HS3ST4: variants seen among roughly 807,000 people sequenced by gnomAD.
The protein encoded by HS3ST4 is heparan sulfate-glucosamine 3-sulfotransferase 4, also known as heparan sulfate glucosamine 3-O-sulfotransferase 4.
A neutral mutation model predicts 29.2 loss-of-function variants in HS3ST4; 17 were observed. The ratio of observed to expected loss-of-function variants is 0.58; its 90% CI spans 0.40 to 0.87. The LOEUF (loss-of-function observed/expected upper bound fraction) is 0.87, where lower values mean the gene tolerates loss of function less well. Among genes scored for constraint, HS3ST4 ranks in the 40% least tolerant of loss-of-function variants. The probability of loss-of-function intolerance (pLI) is 0.00; values close to 1 mark genes in which losing one functional copy is unlikely to be tolerated. For synonymous variants in HS3ST4, 314 were observed against 285.7 expected (o/e 1.10, Z -1.00); for missense variants, 627 against 634.5 (o/e 0.99, Z 0.13).
chr16:25,736,828 T>C (rs1349762050), intron 1 of HS3ST4, among the ~76,000 whole-genome samples: 1 of 152,100 alleles, frequency 6.6e-6, no homozygotes, highest in Non-Finnish European at 1.5e-5. Context: ...TTTTCTTCCA[T>C]GATGCTGCTG....
intron 1 of HS3ST4, among the ~76,000 whole-genome samples, chr16:25,720,933 C>T (rs1458500306): frequency 6.6e-6 from 1 of 152,210 alleles, no homozygotes; most frequent in African/African-American, 2.4e-5. Context: ...CAAAAAAGAG[C>T]AGGCTGTCTT....
chr16:25,947,681 G>A (rs1335799381), intron 1 of HS3ST4, among the ~76,000 whole-genome samples: 1 of 152,178 alleles, frequency 6.6e-6, no homozygotes, highest in Admixed American at 6.5e-5. Flanking sequence ...GCAGTGGGAA[G>A]TACAGCTTTT....
intron 1 of HS3ST4, among the ~76,000 whole-genome samples, chr16:25,834,305 C>A (rs1475252212): frequency 6.6e-6 from 1 of 152,160 alleles, no homozygotes; most frequent in Non-Finnish European, 1.5e-5. Context: ...GGGGGCTCAG[C>A]AATCTTTGTT....
chr16:25,751,333 T>A (rs141781358), intron 1 of HS3ST4, among the ~76,000 whole-genome samples: 1 of 152,276 alleles, frequency 6.6e-6, no homozygotes, highest in East Asian at 1.9e-4. Context: ...TTTCCCTCCA[T>A]ACACTCCTAT....
At chr16:25,947,123 G>C (rs1055308286) in intron 1 of HS3ST4, among the ~76,000 whole-genome samples, 1 of 152,140 alleles carries the variant, frequency 6.6e-6, no homozygotes, top group African/African-American at 2.4e-5. Context: ...ATTTTGAAAA[G>C]ATGGCTCTGA....
chr16:26,121,881 T>G (rs1367985667), intron 1 of HS3ST4, among the ~76,000 whole-genome samples: 2 of 152,200 alleles, frequency 1.3e-5, no homozygotes, highest in Non-Finnish European at 2.9e-5. Context: ...GAATAAAGTA[T>G]CAGCGAAGTA....
intron 1 of HS3ST4, among the ~76,000 whole-genome samples, chr16:25,732,344 G>A (rs767505536): frequency 2.0e-5 from 3 of 152,172 alleles, no homozygotes; most frequent in Admixed American, 6.5e-5. Flanking sequence ...ACGTTGACAC[G>A]TGCTTGCAAA....
chr16:25,814,208 G>A (rs185028599), intron 1 of HS3ST4, among the ~76,000 whole-genome samples: 1 of 152,296 alleles, frequency 6.6e-6, no homozygotes, highest in Non-Finnish European at 1.5e-5. Flanking sequence ...AACTGTGAAT[G>A]TTAGTGTATG....
intron 1 of HS3ST4, among the ~76,000 whole-genome samples, chr16:25,865,687 A>G (rs1967686857): frequency 6.6e-6 from 1 of 152,216 alleles, no homozygotes; most frequent in Non-Finnish European, 1.5e-5. Flanking sequence ...TGGCTAGTTG[A>G]TCCTTGACAA....
chr16:25,910,030 A>T (rs1302596786), intron 1 of HS3ST4, among the ~76,000 whole-genome samples: 1 of 152,106 alleles, frequency 6.6e-6, no homozygotes, highest in East Asian at 1.9e-4. Context: ...TGTACCAAAG[A>T]TGTGCACTGG....
chr16:26,031,704 GT>G (rs202095804), intron 1 of HS3ST4, among the ~76,000 whole-genome samples: 16,737 of 141,764 alleles, frequency 0.12, 1,594 homozygotes, highest in East Asian at 0.28. Flanking sequence ...ATGGAGGCGT[GT>G]TTTTTTTTTT....
intron 1 of HS3ST4, among the ~76,000 whole-genome samples, chr16:26,106,142 A>G (rs1899053419): frequency 6.6e-6 from 1 of 152,196 alleles, no homozygotes; most frequent in Admixed American, 6.5e-5. Flanking sequence ...TACCTCTTCC[A>G]AGCCTATTCA....
chr16:25,848,103 G>A (rs1176920654), intron 1 of HS3ST4, among the ~76,000 whole-genome samples: 3 of 151,984 alleles, frequency 2.0e-5, no homozygotes, highest in African/African-American at 7.2e-5. Flanking sequence ...AAACTATATG[G>A]GTCTGGTGAT....
At chr16:25,988,394 G>A (rs1355154690) in intron 1 of HS3ST4, among the ~76,000 whole-genome samples, 1 of 152,304 alleles carries the variant, frequency 6.6e-6, no homozygotes, top group East Asian at 1.9e-4. Context: ...TGGGACTGTG[G>A]ATGTTTTTTG....
intron 1 of HS3ST4, among the ~76,000 whole-genome samples, chr16:25,844,854 A>AGT (rs1967448488): frequency 6.6e-6 from 1 of 152,244 alleles, no homozygotes; most frequent in Non-Finnish European, 1.5e-5. Flanking sequence ...TACACCAGGG[A>AGT]GTACTATGCA....
intron 1 of HS3ST4, among the ~76,000 whole-genome samples, chr16:26,105,503 T>G (rs1006617119): frequency 6.6e-6 from 1 of 152,206 alleles, no homozygotes; most frequent in African/African-American, 2.4e-5. Flanking sequence ...GAAATAAAAG[T>G]CGAAAACAAG....
At chr16:26,035,804 C>T (rs181738600) in intron 1 of HS3ST4, among the ~76,000 whole-genome samples, 5 of 152,312 alleles carry the variant, frequency 3.3e-5, no homozygotes, top group African/African-American at 1.2e-4. Flanking sequence ...CTCTGTGTTC[C>T]TGGGTACATA....
At chr16:26,092,508 C>A (rs768973425) in intron 1 of HS3ST4, among the ~76,000 whole-genome samples, 1 of 152,136 alleles carries the variant, frequency 6.6e-6, no homozygotes, top group African/African-American at 2.4e-5. Flanking sequence ...GTCTTATGTA[C>A]CTCTGGATCT....
At chr16:25,699,228 G>A (rs1247308042) in intron 1 of HS3ST4, among the ~76,000 whole-genome samples, 6 of 152,168 alleles carry the variant, frequency 3.9e-5, no homozygotes, top group African/African-American at 9.7e-5. Context: ...GGCCAGAATC[G>A]TGGCTTACAT....
Sources: allele counts gnomAD v4.1 joint callset (sites outside exome capture counted in the v4.1 genomes callset), GRCh38; gene constraint gnomAD v4.1.1; transcripts MANE v1.5; gene names NCBI Gene and HGNC (gene_info 2026-07-23, HGNC 2026-07-21).